The following EYS variants were observed in gnomAD, a reference collection of about 807,000 sequenced individuals.
EYS encodes the protein EGF-like photoreceptor maintenance factor.
A neutral mutation model predicts 282.1 loss-of-function variants in EYS; 250 were observed. The observed-to-expected ratio is 0.89, with a 90% CI of 0.80 to 0.98. EYS has a LOEUF of 0.98. EYS is among the 50% of genes least tolerant of loss of function. The pLI, the probability that EYS is intolerant of heterozygous loss-of-function variation, is 0.00. For synonymous variants in EYS, 1,355 were observed against 1,282.9 expected, an observed-to-expected ratio of 1.06 and a Z score of -1.20; for missense variants, 4,016 against 3,709.0, an observed-to-expected ratio of 1.08 and a Z score of -2.15.
chr6:64,808,404 C>T (rs1048542974), intron 22 of EYS, among the ~76,000 whole-genome samples: 6 of 151,932 alleles, frequency 3.9e-5, no homozygotes, highest in Admixed American at 3.9e-4. Context: ...TTATAACTAG[C>T]TTTATATTTG....
At chr6:64,958,199 A>G (rs1340048514) in intron 14 of EYS, among the ~76,000 whole-genome samples, 2 of 152,134 alleles carry the variant, frequency 1.3e-5, no homozygotes, top group Non-Finnish European at 2.9e-5. Flanking sequence ...CGTATATACC[A>G]TATGTTGTGT....
chr6:65,022,009 C>T (rs1772265500), intron 13 of EYS, among the ~76,000 whole-genome samples: 1 of 152,168 alleles, frequency 6.6e-6, no homozygotes, highest in African/African-American at 2.4e-5. Context: ...CCTCCCACAA[C>T]ATGTGGGAAT....
intron 11 of EYS, 73 bp downstream of exon 11, chr6:65,334,905 AAC>A (rs1769925009): frequency 7.2e-7 from 1 of 1,383,440 alleles, no homozygotes; most frequent in Non-Finnish European, 1.0e-6. Flanking sequence ...GTTACCATGA[AAC>A]AGTTCGATGA....
intron 30 of EYS, among the ~76,000 whole-genome samples, chr6:64,293,789 C>T (rs2150366995): frequency 6.6e-6 from 1 of 152,100 alleles, no homozygotes; most frequent in South Asian, 2.1e-4. Context: ...GTCCATTTCT[C>T]TGCTTTGCAA....
chr6:64,569,388 A>G (rs1276055909), intron 26 of EYS, among the ~76,000 whole-genome samples: 1 of 151,990 alleles, frequency 6.6e-6, no homozygotes, highest in East Asian at 1.9e-4. Flanking sequence ...AGAAGAAAGG[A>G]TATCACAGAT....
At chr6:65,258,694 T>A (rs545590574) in intron 12 of EYS, among the ~76,000 whole-genome samples, 1 of 152,170 alleles carries the variant, frequency 6.6e-6, no homozygotes, top group South Asian at 2.1e-4. Context: ...AATTTTGCGG[T>A]GGAATATAAA....
chr6:65,632,110 C>CA (rs552905993), intron 2 of EYS, among the ~76,000 whole-genome samples: 10 of 150,222 alleles, frequency 6.7e-5, no homozygotes, highest in East Asian at 5.9e-4. Context: ...TGCCAAAAAC[C>CA]AAAAAAAAAT....
At chr6:65,274,303 G>T (rs1301112658) in intron 12 of EYS, among the ~76,000 whole-genome samples, 1 of 152,106 alleles carries the variant, frequency 6.6e-6, no homozygotes, top group Non-Finnish European at 1.5e-5. Flanking sequence ...ATGCAGGGGT[G>T]GTGATTTCCA....
chr6:65,442,915 T>G (rs149839555), intron 5 of EYS, among the ~76,000 whole-genome samples: 1,390 of 107,558 alleles, frequency 0.013, 36 homozygotes, highest in African/African-American at 0.035. Flanking sequence ...TACATGCACA[T>G]ACATATGTAC....
intron 2 of EYS, among the ~76,000 whole-genome samples, chr6:65,518,619 G>A (rs548997995): frequency 6.6e-6 from 1 of 152,032 alleles, no homozygotes; most frequent in South Asian, 2.1e-4. Context: ...CCCCATGAGG[G>A]CAAAAGTTAT....
intron 31 of EYS, among the ~76,000 whole-genome samples, chr6:64,134,077 G>T (rs115576879): frequency 6.6e-6 from 1 of 152,000 alleles, no homozygotes; most frequent in African/African-American, 2.4e-5. Context: ...AGAGCCTAGC[G>T]TCATGGGGAA....
chr6:64,979,488 A>G lies in EYS; in HGVS notation c.2259+18094T>C, dbSNP rs900655845. 3.3e-5 allele frequency among the ~76,000 whole-genome samples: 5 copies of G among 151,684 alleles called. No homozygotes were observed. In the Admixed American group the frequency reaches 3.3e-4, roughly 10 times the overall value. On this transcript the variant is annotated intron_variant, in intron 14 of 42. Transcript: ENST00000503581. ...GGCTTTCCTGATTACATTTAATAGC[A>G]TAATTCTGACTGGGAATTACACTTT...
chr6:65,312,549 C>T (rs1359626133), intron 11 of EYS, among the ~76,000 whole-genome samples: 2 of 152,266 alleles, frequency 1.3e-5, no homozygotes, highest in South Asian at 2.1e-4. Context: ...TCATCCCCCA[C>T]CCATGTCTAG....
chr6:64,731,538 CA>C (rs1165848170), intron 22 of EYS, among the ~76,000 whole-genome samples: 1 of 152,072 alleles, frequency 6.6e-6, no homozygotes, highest in East Asian at 1.9e-4. Flanking sequence ...GAAATTTATG[CA>C]GGCAACAAAC....
At chr6:65,610,824 T>C (rs1011795145) in intron 2 of EYS, among the ~76,000 whole-genome samples, 23 of 152,216 alleles carry the variant, frequency 1.5e-4, no homozygotes, top group African/African-American at 3.1e-4. Flanking sequence ...TTTATAATGA[T>C]CAAAATATCT....
rs1037016919 is a variant in EYS at position 64,590,491 on chromosome 6, T to C, written c.5376A>G (p.Ala1792=). The change falls in exon 26 of 43, where the codon GCA becomes GCG. Residue 1792 remains alanine, a synonymous_variant. Coordinates refer to ENST00000503581, the MANE Select transcript of EYS (RefSeq NM_001142800.2). Reference sequence around the variant, plus strand: ...CTGGAGTTGCTGAAACTGTATAAAATGCAACATTGGTGGTGACTTCTGAAA... The same window carrying C: ...CTGGAGTTGCTGAAACTGTATAAAACGCAACATTGGTGGTGACTTCTGAAA... ...PDFSEVTTNV[A]FYTVSATPAL... The C allele has an allele frequency of 8.5e-5, 132 of 1,551,320 alleles. No individual in the cohort carries two copies. The highest frequency in any genetic ancestry group is 1.1e-4 in the Non-Finnish European group (126 of 1,146,806).
intron 33 of EYS, among the ~76,000 whole-genome samples, chr6:64,035,136 T>C (rs1362886614): frequency 2.0e-5 from 3 of 152,132 alleles, no homozygotes; most frequent in Non-Finnish European, 4.4e-5. Context: ...ACTTATCTGG[T>C]CCTTAGTGTC....
intron 2 of EYS, among the ~76,000 whole-genome samples, chr6:65,552,892 C>A (rs1768650247): frequency 6.6e-6 from 1 of 151,986 alleles, no homozygotes; most frequent in Admixed American, 6.6e-5. Context: ...CCTTTCAGTT[C>A]TAAGGTACTT....
chr6:64,607,847 T>C (rs1766984430), intron 24 of EYS, among the ~76,000 whole-genome samples: 1 of 152,106 alleles, frequency 6.6e-6, no homozygotes, highest in Admixed American at 6.6e-5. Flanking sequence ...ATTCTAACAT[T>C]TGCTATCTAT....
Sources: gnomAD v4.1 joint callset for allele counts (sites outside exome capture counted in the v4.1 genomes callset) on GRCh38, gnomAD v4.1.1 for gene constraint, MANE v1.5 for transcripts, NCBI Gene and HGNC (gene_info 2026-07-23, HGNC 2026-07-21) for gene names.